Variants in PPM1L observed in about 807,000 individuals in gnomAD.
The protein encoded by PPM1L is protein phosphatase 1L.
PPM1L carries 13 observed loss-of-function variants against 31.4 expected under a neutral mutation model. The observed-to-expected ratio is 0.41, with a 90% CI of 0.27 to 0.66. PPM1L has a LOEUF of 0.66. Ranked by LOEUF, PPM1L falls within the 30% of genes least tolerant of loss-of-function variation. PPM1L has a pLI of 0.29. For synonymous variants in PPM1L, 184 were observed against 175.4 expected (o/e 1.05, Z -0.39); for missense variants, 326 against 453.7 (o/e 0.72, Z 2.56).
intron 1 of PPM1L, among the ~76,000 whole-genome samples, chr3:160,826,797 G>T (rs747910564): frequency 3.9e-5 from 6 of 152,102 alleles, no homozygotes; most frequent in Non-Finnish European, 5.9e-5. Flanking sequence ...TGCAAAATTT[G>T]ACTTAGTTTT....
intron 1 of PPM1L, among the ~76,000 whole-genome samples, chr3:160,935,122 C>A (rs192356792): frequency 5.3e-5 from 8 of 152,116 alleles, no homozygotes; most frequent in African/African-American, 1.9e-4. Flanking sequence ...TGAGTGAAGA[C>A]CTGTGTGTTA....
intron 2 of PPM1L, among the ~76,000 whole-genome samples, chr3:161,031,941 G>A (rs2108080779): frequency 6.6e-6 from 1 of 152,290 alleles, no homozygotes; most frequent in Non-Finnish European, 1.5e-5. Context: ...AGGGTTCATA[G>A]TAGCATCTTC....
At chr3:160,827,072 C>A (rs1279045256) in intron 1 of PPM1L, among the ~76,000 whole-genome samples, 1 of 152,206 alleles carries the variant, frequency 6.6e-6, no homozygotes, top group Non-Finnish European at 1.5e-5. Flanking sequence ...ACTTAACACA[C>A]TTTCTCACTA....
chr3:160,924,740 A>G (rs1714529065), intron 1 of PPM1L, among the ~76,000 whole-genome samples: 4 of 152,210 alleles, frequency 2.6e-5, no homozygotes, highest in South Asian at 4.1e-4. Flanking sequence ...CAAAGAGAAA[A>G]ATCTCCAGAG....
chr3:160,918,947 A>T (rs1176551608), intron 1 of PPM1L, among the ~76,000 whole-genome samples: 1 of 152,250 alleles, frequency 6.6e-6, no homozygotes, highest in Non-Finnish European at 1.5e-5. Context: ...AAGTACAATG[A>T]TACATACAAA....
intron 1 of PPM1L, among the ~76,000 whole-genome samples, chr3:160,955,665 T>TA (rs1559902384): frequency 6.6e-6 from 1 of 151,466 alleles, no homozygotes; most frequent in Non-Finnish European, 1.5e-5. Flanking sequence ...TTTTTTTTTT[T>TA]TTTTTGAGAC....
At chr3:160,784,038 A>G (rs1388292599) in intron 1 of PPM1L, among the ~76,000 whole-genome samples, 7 of 152,212 alleles carry the variant, frequency 4.6e-5, no homozygotes, top group Non-Finnish European at 7.3e-5. Flanking sequence ...GGATTTCACT[A>G]TTGCCAGAAC....
intron 1 of PPM1L, among the ~76,000 whole-genome samples, chr3:160,830,468 G>A (rs1238707430): frequency 3.9e-5 from 6 of 152,066 alleles, no homozygotes; most frequent in Admixed American, 1.3e-4. Context: ...TTTGTAAACC[G>A]GAGTATTTTA....
At chr3:160,929,924 C>T (rs1460234077) in intron 1 of PPM1L, among the ~76,000 whole-genome samples, 2 of 152,196 alleles carry the variant, frequency 1.3e-5, no homozygotes, top group Non-Finnish European at 2.9e-5. Context: ...GAGTCACACA[C>T]ATATCCCCTC....
At chr3:160,923,754 G>A (rs1714496703) in intron 1 of PPM1L, among the ~76,000 whole-genome samples, 1 of 152,160 alleles carries the variant, frequency 6.6e-6, no homozygotes, top group Admixed American at 6.5e-5. Context: ...CATTTGATAT[G>A]CCCCAAGAAT....
Position 160,905,939 on chromosome 3 carries a change from C to A in PPM1L, c.400-55797C>A, listed in dbSNP as rs564607491. On this transcript the variant is annotated intron_variant, in intron 1 of 3. Coordinates refer to ENST00000498165, the MANE Select transcript of PPM1L (RefSeq NM_139245.4). ...TCATTTAAACCTTTTAAAATCTTAG[C>A]CCTAGTTTTCCTTTATCCATCAGTT... Among the ~76,000 whole-genome samples the A allele has an allele frequency of 2.0e-4, 30 of 152,096 alleles. No individual in the cohort carries two copies. In the East Asian group the frequency reaches 5.8e-3, roughly 29 times the overall value.
intron 1 of PPM1L, among the ~76,000 whole-genome samples, chr3:160,808,405 G>GCGTGCGCGCA (rs1560112693): frequency 6.7e-6 from 1 of 148,608 alleles, no homozygotes; most frequent in African/African-American, 2.6e-5. Flanking sequence ...GTGTGTGTGT[G>GCGTGCGCGCA]TGTGTGTGTG....
chr3:161,000,570 T>C (rs542622903), intron 2 of PPM1L, among the ~76,000 whole-genome samples: 70 of 152,322 alleles, frequency 4.6e-4, no homozygotes, highest in African/African-American at 1.6e-3. Flanking sequence ...CTGATGAATC[T>C]GGAAAAAAAG....
At chr3:160,987,801 A>G (rs959159253) in intron 2 of PPM1L, among the ~76,000 whole-genome samples, 2 of 152,212 alleles carry the variant, frequency 1.3e-5, no homozygotes, top group African/African-American at 4.8e-5. Context: ...GTCATTTCTG[A>G]TAGTAATGAA....
intron 1 of PPM1L, among the ~76,000 whole-genome samples, chr3:160,890,915 C>A (rs1236263486): frequency 1.3e-5 from 2 of 152,026 alleles, no homozygotes; most frequent in Non-Finnish European, 2.9e-5. Context: ...GAAAACTGGC[C>A]AGCCATATGC....
intron 1 of PPM1L, among the ~76,000 whole-genome samples, chr3:160,781,566 G>A (rs1018522697): frequency 2.0e-5 from 3 of 152,170 alleles, no homozygotes; most frequent in Admixed American, 6.5e-5. Flanking sequence ...AGAGCTCAGG[G>A]CACATGAAAG....
At chr3:160,776,533 A>G (rs1382305729) in intron 1 of PPM1L, among the ~76,000 whole-genome samples, 2 of 151,746 alleles carry the variant, frequency 1.3e-5, no homozygotes, top group African/African-American at 2.4e-5. Flanking sequence ...TATCATGCCT[A>G]TGATATTATG....
intron 1 of PPM1L, among the ~76,000 whole-genome samples, chr3:160,856,862 CATT>C (rs931132492): frequency 6.6e-6 from 1 of 150,998 alleles, no homozygotes; most frequent in African/African-American, 2.4e-5. Context: ...CTGTCCCTCT[CATT>C]TAATTCTTCT....
chr3:161,003,518 G>A (rs1340961734), intron 2 of PPM1L, among the ~76,000 whole-genome samples: 6 of 151,172 alleles, frequency 4.0e-5, no homozygotes, highest in Non-Finnish European at 5.9e-5. Context: ...ATTTCGTTGA[G>A]CAGTGGTTTG....
Sources: allele counts gnomAD v4.1 joint callset (sites outside exome capture counted in the v4.1 genomes callset), GRCh38; gene constraint gnomAD v4.1.1; transcripts MANE v1.5; gene names NCBI Gene and HGNC (gene_info 2026-07-23, HGNC 2026-07-21).